Variants in GRID2 observed in about 807,000 individuals in gnomAD.
GRID2 encodes glutamate ionotropic receptor delta type subunit 2.
A neutral mutation model predicts 114.8 loss-of-function variants in GRID2; 33 were observed. That is an observed-to-expected ratio of 0.29 (90% CI 0.22 to 0.38). The LOEUF (loss-of-function observed/expected upper bound fraction) is 0.38, where lower values mean the gene tolerates loss of function less well. Ranked by LOEUF, GRID2 falls within the 10% of genes least tolerant of loss-of-function variation. The probability of loss-of-function intolerance (pLI) is 1.00; values close to 1 mark genes in which losing one functional copy is unlikely to be tolerated. For missense variants in GRID2, 1,184 were observed against 1,257.7 expected, an observed-to-expected ratio of 0.94 and a Z score of 0.89; for synonymous variants, 505 against 449.9, an observed-to-expected ratio of 1.12 and a Z score of -1.55.
intron 2 of GRID2, among the ~76,000 whole-genome samples, chr4:93,014,047 A>G (rs1259145706): frequency 6.6e-6 from 1 of 152,024 alleles, no homozygotes; most frequent in Non-Finnish European, 1.5e-5. Flanking sequence ...ATAAAGTAAG[A>G]TATTTGAGCA....
At chr4:93,401,806 A>G (rs573807097) in intron 9 of GRID2, among the ~76,000 whole-genome samples, 1 of 152,284 alleles carries the variant, frequency 6.6e-6, no homozygotes, top group African/African-American at 2.4e-5. Context: ...TTTTCTAAGC[A>G]ACTCACCAAA....
At chr4:93,482,837 T>G (rs1726009023) in intron 11 of GRID2, among the ~76,000 whole-genome samples, 2 of 152,028 alleles carry the variant, frequency 1.3e-5, no homozygotes, top group Admixed American at 1.3e-4. Context: ...CATGTCATGT[T>G]GTAGAAAATC....
chr4:92,553,471 G>T (rs761063749), intron 1 of GRID2, among the ~76,000 whole-genome samples: 5 of 151,928 alleles, frequency 3.3e-5, no homozygotes, highest in Non-Finnish European at 7.4e-5. Context: ...TCCTGCATTT[G>T]TATACCTTCG....
At chr4:92,566,915 T>C (rs1217071544) in intron 1 of GRID2, among the ~76,000 whole-genome samples, 1 of 152,054 alleles carries the variant, frequency 6.6e-6, no homozygotes, top group Non-Finnish European at 1.5e-5. Flanking sequence ...TTGAATCTTA[T>C]ATCCCCGTTT....
intron 8 of GRID2, among the ~76,000 whole-genome samples, chr4:93,285,641 A>C (rs1353336981): frequency 6.6e-6 from 1 of 152,048 alleles, no homozygotes; most frequent in African/African-American, 2.4e-5. Flanking sequence ...GAAAGTAAGT[A>C]TAAACTCTCA....
chr4:93,563,770 A>G (rs1461151343), intron 13 of GRID2, among the ~76,000 whole-genome samples: 1 of 151,972 alleles, frequency 6.6e-6, no homozygotes, highest in Non-Finnish European at 1.5e-5. Context: ...TAAACATTTG[A>G]AGAAATATGT....
intron 1 of GRID2, 71 bp from the exon 2 acceptor site, chr4:92,590,060 T>G: frequency 9.7e-7 from 1 of 1,032,318 alleles, no homozygotes; most frequent in Non-Finnish European, 1.5e-6. Flanking sequence ...ATAAGTCTCC[T>G]TGTCATATTT....
intron 2 of GRID2, among the ~76,000 whole-genome samples, chr4:93,001,418 T>C (rs894300571): frequency 1.3e-5 from 2 of 151,636 alleles, no homozygotes; most frequent in Non-Finnish European, 3.0e-5. Context: ...TTGGTTGGAT[T>C]AATATGTAAA....
chr4:92,703,898 A>T (rs1734805194), intron 2 of GRID2, among the ~76,000 whole-genome samples: 1 of 152,122 alleles, frequency 6.6e-6, no homozygotes, highest in Admixed American at 6.5e-5. Context: ...AAAGACAATG[A>T]TACTCTGACC....
Position 93,101,208 on chromosome 4 carries a change from C to A in GRID2, c.530-9540C>A, listed in dbSNP as rs62308211. On this transcript the variant is annotated intron_variant, in intron 3 of 15. Coordinates refer to ENST00000282020, the MANE Select transcript of GRID2 (RefSeq NM_001510.4). ...GGTACATATGATAATTTGATAAATT[C>A]ATGTAATCAAATCAGGGTAGTTGAG... 2.7e-3 allele frequency among the ~76,000 whole-genome samples: 410 copies of A among 152,078 alleles called. 5 individuals carry two copies. The highest frequency in any genetic ancestry group is 3.7e-3 in the Non-Finnish European group (249 of 67,928).
chr4:93,626,165 G>A, intron 13 of GRID2, 104 bp from the exon 14 acceptor site: 1 of 611,010 alleles, frequency 1.6e-6, no homozygotes, highest in Non-Finnish European at 2.9e-6. Context: ...ATTATTTTTA[G>A]CATAATTAAA....
At chr4:93,401,696 T>C (rs1765906087) in intron 9 of GRID2, among the ~76,000 whole-genome samples, 1 of 152,082 alleles carries the variant, frequency 6.6e-6, no homozygotes, top group Non-Finnish European at 1.5e-5. Context: ...GCCTCAATCA[T>C]AGAAGGATAT....
In GRID2 at chr4:93,296,083, G is replaced by T. The variant is rs995049814; in HGVS notation, c.1245+57593G>T. Among the ~76,000 whole-genome samples, 3 of 152,196 alleles carry T rather than the reference G, an allele frequency of 2.0e-5. No individual in the cohort carries two copies. In the East Asian group the frequency reaches 5.8e-4, roughly 29 times the overall value. ...TGGAGGCCAGAAGTTTAATACTGGG[G>T]TTTCACTAGGTTGAGATAATGGTGT... On this transcript the variant is annotated intron_variant, in intron 8 of 15. Transcript: ENST00000282020.
intron 2 of GRID2, among the ~76,000 whole-genome samples, chr4:92,637,011 T>A (rs539719825): frequency 6.6e-6 from 1 of 152,144 alleles, no homozygotes; most frequent in Non-Finnish European, 1.5e-5. Context: ...TAATATTTTT[T>A]ATTTCTTATT....
At chr4:93,599,972 A>C (rs2149637552) in intron 13 of GRID2, among the ~76,000 whole-genome samples, 1 of 152,342 alleles carries the variant, frequency 6.6e-6, no homozygotes, top group Middle Eastern at 3.4e-3. Flanking sequence ...GATAACCCTG[A>C]ACTGTGTATG....
At chr4:93,627,823 G>A (rs747913270) in intron 14 of GRID2, among the ~76,000 whole-genome samples, 5 of 152,204 alleles carry the variant, frequency 3.3e-5, no homozygotes, top group Non-Finnish European at 7.3e-5. Flanking sequence ...TCATGGCCAA[G>A]CCCAAAATCA....
intron 2 of GRID2, among the ~76,000 whole-genome samples, chr4:92,739,711 C>CA: frequency 6.6e-6 from 1 of 152,060 alleles, no homozygotes. Context: ...TGTGTAATAA[C>CA]ATTGAAAATA....
At chr4:93,788,338 G>A (rs76746114) in intron 1 of GRID2, among the ~76,000 whole-genome samples, 21 of 151,740 alleles carry the variant, frequency 1.4e-4, no homozygotes, top group South Asian at 8.3e-4. Context: ...AAAAGAAAAC[G>A]TAAAGCCTAG....
At chr4:93,605,986 G>A (rs545330892) in intron 13 of GRID2, among the ~76,000 whole-genome samples, 2 of 152,280 alleles carry the variant, frequency 1.3e-5, no homozygotes, top group South Asian at 4.1e-4. Context: ...TAGAACTGAG[G>A]CTGGCCATGG....
Sources: allele counts gnomAD v4.1 joint callset (sites outside exome capture counted in the v4.1 genomes callset), GRCh38; gene constraint gnomAD v4.1.1; transcripts MANE v1.5; gene names NCBI Gene and HGNC (gene_info 2026-07-23, HGNC 2026-07-21).